The following SLC14A2 variants were observed in gnomAD, a reference collection of about 807,000 sequenced individuals.
SLC14A2 encodes urea transporter 2.
Under a neutral mutation model 104.6 loss-of-function variants are expected in SLC14A2, and 91 were observed. That is an observed-to-expected ratio of 0.87 (90% CI 0.73 to 1.04). The LOEUF (loss-of-function observed/expected upper bound fraction) is 1.04. SLC14A2 is among the 50% of genes least tolerant of loss of function. The probability of loss-of-function intolerance (pLI) is 0.00; values close to 1 mark genes in which losing one functional copy is unlikely to be tolerated. For missense variants in SLC14A2, 1,189 were observed against 1,156.0 expected (o/e 1.03, Z -0.41); for synonymous variants, 476 against 466.4 (o/e 1.02, Z -0.27).
At chr18:45,198,790 G>A in the SLC14A2 span, among the ~76,000 whole-genome samples, 1 of 151,916 alleles carries the variant, frequency 6.6e-6, no homozygotes, top group Non-Finnish European at 1.5e-5. Flanking sequence ...ATATCCCTTA[G>A]ATCTCCTCAC....
In SLC14A2 at chr18:45,535,103, G is replaced by C. The variant is rs148058821; in HGVS notation, c.-35+51781G>C. 2.6e-4 allele frequency among the ~76,000 whole-genome samples: 39 copies of C among 152,292 alleles called. 1 individual carries two copies. In the East Asian group the frequency reaches 6.4e-3, roughly 25 times the overall value. ...AAGAGGCAACCAAAAAGCTCTTTCT[G>C]TTTGTGCTCTGATGTTTGGAGATCT... On this transcript the variant is annotated intron_variant, in intron 2 of 20. Transcript: ENST00000586448.
intron 2 of SLC14A2, among the ~76,000 whole-genome samples, chr18:45,508,896 C>G (rs973899309): frequency 6.6e-6 from 1 of 152,176 alleles, no homozygotes; most frequent in African/African-American, 2.4e-5. Context: ...AACAGAATTA[C>G]AAATTATCAA....
chr18:45,184,902 C>A, the SLC14A2 span, among the ~76,000 whole-genome samples: 1 of 152,198 alleles, frequency 6.6e-6, no homozygotes, highest in Non-Finnish European at 1.5e-5. Flanking sequence ...TATCCCTCAA[C>A]AAGTTCCTCT....
intron 1 of SLC14A2, among the ~76,000 whole-genome samples, chr18:45,393,678 A>G (rs1359733465): frequency 6.6e-6 from 1 of 152,224 alleles, no homozygotes; most frequent in Non-Finnish European, 1.5e-5. Context: ...GGCCTTCTCC[A>G]TATGGGGAAG....
intron 1 of SLC14A2, among the ~76,000 whole-genome samples, chr18:45,253,084 C>G (rs1040477545): frequency 6.6e-6 from 1 of 152,180 alleles, no homozygotes; most frequent in African/African-American, 2.4e-5. Context: ...TTCTTAATCC[C>G]TTCTGCATCC....
the SLC14A2 span, among the ~76,000 whole-genome samples, chr18:45,196,013 G>A: frequency 1.3e-5 from 2 of 152,308 alleles, no homozygotes; most frequent in Non-Finnish European, 2.9e-5. Context: ...ACAGAAAAAG[G>A]AGACTGACAT....
At chr18:45,308,364 T>C (rs760727842) in intron 1 of SLC14A2, among the ~76,000 whole-genome samples, 3 of 152,220 alleles carry the variant, frequency 2.0e-5, no homozygotes, top group Non-Finnish European at 4.4e-5. Flanking sequence ...ACCTATTAAG[T>C]GGCATGGCTG....
chr18:45,325,750 G>A (rs2085228306), intron 1 of SLC14A2, among the ~76,000 whole-genome samples: 1 of 152,114 alleles, frequency 6.6e-6, no homozygotes, highest in Non-Finnish European at 1.5e-5. Context: ...GACCTAAGCT[G>A]TAATCTTGAT....
At chr18:45,502,380 C>T (rs1598928235) in intron 2 of SLC14A2, among the ~76,000 whole-genome samples, 1 of 152,334 alleles carries the variant, frequency 6.6e-6, no homozygotes, top group East Asian at 1.9e-4. Flanking sequence ...TCTGTGCCAT[C>T]TCATCCCGGT....
At chr18:45,527,212 G>A (rs910713731) in intron 2 of SLC14A2, among the ~76,000 whole-genome samples, 9 of 152,148 alleles carry the variant, frequency 5.9e-5, no homozygotes, top group African/African-American at 2.2e-4. Flanking sequence ...GATGAGAAGC[G>A]TTGGGATGGC....
rs61033534 is a variant in SLC14A2 at position 45,298,036 on chromosome 18, C to T, written c.-125+84845C>T. Among the ~76,000 whole-genome samples the T allele has an allele frequency of 1.2e-3, 178 of 152,268 alleles. 1 individual carries two copies. Among genetic ancestry groups the T allele is most frequent in the African/African-American group, 4.0e-3 (165 of 41,556 alleles). ...CCATTTTAAAAGTAAATGGAACAAT[C>T]CTTCAAAGACAAATTTACTTCATCA... On this transcript the variant is annotated intron_variant, in intron 1 of 20. Coordinates refer to the SLC14A2 transcript ENST00000586448.
At chr18:45,393,023 A>G (rs190499116) in intron 1 of SLC14A2, among the ~76,000 whole-genome samples, 10 of 152,272 alleles carry the variant, frequency 6.6e-5, no homozygotes, top group East Asian at 3.9e-4. Flanking sequence ...ATCACAACCA[A>G]TATTTCAGAT....
At chr18:45,185,213 T>C in the SLC14A2 span, among the ~76,000 whole-genome samples, 1 of 152,146 alleles carries the variant, frequency 6.6e-6, no homozygotes, top group Non-Finnish European at 1.5e-5. Flanking sequence ...GAAAGAAGAA[T>C]GTATTTGTCA....
At chr18:45,475,672 T>TATATATATATAG (rs1568228106) in intron 1 of SLC14A2, among the ~76,000 whole-genome samples, 1 of 97,710 alleles carries the variant, frequency 1.0e-5, no homozygotes, top group East Asian at 2.7e-4. Flanking sequence ...TATATATATA[T>TATATATATATAG]ATATATATAT....
intron 2 of SLC14A2, among the ~76,000 whole-genome samples, chr18:45,531,955 G>A (rs2043697458): frequency 6.6e-6 from 1 of 152,078 alleles, no homozygotes. Flanking sequence ...TATTAAATAG[G>A]GAATCCTTTC....
At position 45,624,696 on chromosome 18, in the gene SLC14A2, C is replaced by A. The variant is rs1418491674; in HGVS notation, c.32C>A (p.Pro11Gln). The A allele has an allele frequency of 6.2e-7, 1 of 1,613,154 alleles. No individual in the cohort carries two copies. The highest frequency in any genetic ancestry group is 1.1e-5 in the South Asian group (1 of 90,764). ...GACCCCCACAGCAGTCCTCTCCTGC[C>A]AGAGCCACTTTCCAGCAGATACAAA... MSDPHSSPLL[P>Q]EPLSSRYKLY... is the part of the protein sequence containing the mutation. Residue 11 changes from proline (P) to glutamine (Q), a missense_variant, in exon 2 of 20, where the codon CCA (proline) becomes CAA (glutamine). By Grantham distance (76) the Pro-to-Gln change is moderately conservative. Coordinates refer to ENST00000255226, the MANE Select transcript of SLC14A2 (RefSeq NM_007163.4).
chr18:45,251,419 C>T (rs73425970), intron 1 of SLC14A2, among the ~76,000 whole-genome samples: 4,996 of 152,298 alleles, frequency 0.033, 293 homozygotes, highest in African/African-American at 0.11. Flanking sequence ...GCCCAAACTA[C>T]CCTCTTGGTC....
chr18:45,631,891 T>C (rs529420585), intron 4 of SLC14A2, among the ~76,000 whole-genome samples: 8 of 152,326 alleles, frequency 5.3e-5, no homozygotes, highest in South Asian at 2.1e-4. Context: ...AGTGCAGGGA[T>C]TACAGGCATG....
chr18:45,432,776 A>G (rs1377199137), intron 1 of SLC14A2, among the ~76,000 whole-genome samples: 2 of 152,146 alleles, frequency 1.3e-5, no homozygotes, highest in Admixed American at 6.5e-5. Context: ...TGATCCTAAG[A>G]TAGGATTTGA....
Sources: allele counts gnomAD v4.1 joint callset (sites outside exome capture counted in the v4.1 genomes callset), GRCh38; gene constraint gnomAD v4.1.1; transcripts MANE v1.5; gene names NCBI Gene and HGNC (gene_info 2026-07-23, HGNC 2026-07-21).